PRKCE: variants seen among roughly 807,000 people sequenced by gnomAD.
PRKCE encodes protein kinase C epsilon type.
Under a neutral mutation model 85.4 loss-of-function variants are expected in PRKCE, and 16 were observed. The observed-to-expected ratio is 0.19, with a 90% CI of 0.13 to 0.28. PRKCE has a LOEUF of 0.28. Among genes scored for constraint, PRKCE ranks in the 10% least tolerant of loss-of-function variants. The probability of loss-of-function intolerance (pLI) is 1.00; values close to 1 mark genes in which losing one functional copy is unlikely to be tolerated. For synonymous variants in PRKCE, 388 were observed against 371.5 expected, an observed-to-expected ratio of 1.04 and a Z score of -0.51; for missense variants, 573 against 975.2, an observed-to-expected ratio of 0.59 and a Z score of 5.49.
At chr2:45,718,339 CTTTTTTTT>C (rs10708579) in intron 1 of PRKCE, among the ~76,000 whole-genome samples, 2 of 83,346 alleles carry the variant, frequency 2.4e-5, no homozygotes, top group South Asian at 4.2e-4. Flanking sequence ...CAAATGCTTA[CTTTTTTTT>C]TTTTTTTTTT....
In PRKCE at chr2:45,830,377, G is replaced by T. The variant is rs914218325; in HGVS notation, c.349-12623G>T. ...GAAAGGCATTATGAATAAATAGGAA[G>T]GCATTTCTGGAAACTCAAGATATTG... On this transcript the variant is annotated intron_variant, in intron 1 of 14. Transcript: ENST00000306156. Among the ~76,000 whole-genome samples, 15 of 152,118 alleles carry T rather than the reference G, an allele frequency of 9.9e-5. 1 individual carries two copies. Among genetic ancestry groups the T allele is most frequent in the African/African-American group, 3.6e-4 (15 of 41,500 alleles).
chr2:45,724,339 G>T (rs1200495701), intron 1 of PRKCE, among the ~76,000 whole-genome samples: 2 of 152,170 alleles, frequency 1.3e-5, no homozygotes, highest in Non-Finnish European at 2.9e-5. Flanking sequence ...TAAATGTTGT[G>T]TGTGTCCTTA....
At chr2:45,757,178 C>T (rs1684073183) in intron 1 of PRKCE, among the ~76,000 whole-genome samples, 4 of 151,816 alleles carry the variant, frequency 2.6e-5, no homozygotes, top group Admixed American at 2.0e-4. Context: ...ACAGGTGGTG[C>T]ATGCCTGTAA....
At chr2:45,771,606 T>C (rs1259947013) in intron 1 of PRKCE, among the ~76,000 whole-genome samples, 1 of 152,200 alleles carries the variant, frequency 6.6e-6, no homozygotes, top group African/African-American at 2.4e-5. Context: ...CTGGCCATCT[T>C]CCTCTTCCTC....
chr2:45,769,150 G>T (rs533921320), intron 1 of PRKCE, among the ~76,000 whole-genome samples: 22 of 152,228 alleles, frequency 1.4e-4, no homozygotes, highest in African/African-American at 5.3e-4. Context: ...CTGGAGTCTG[G>T]CTGGGTTTGT....
chr2:45,926,895 G>A (rs1366662838), intron 2 of PRKCE, among the ~76,000 whole-genome samples: 1 of 152,170 alleles, frequency 6.6e-6, no homozygotes, highest in Non-Finnish European at 1.5e-5. Flanking sequence ...AGTATAGAAT[G>A]TGTATATGAA....
intron 10 of PRKCE, among the ~76,000 whole-genome samples, chr2:46,044,079 G>A (rs1708373706): frequency 1.3e-5 from 2 of 152,150 alleles, no homozygotes; most frequent in South Asian, 4.1e-4. Context: ...TTCTAATCCT[G>A]GTCACCAACT....
chr2:45,791,664 T>G (rs1258477577), intron 1 of PRKCE, among the ~76,000 whole-genome samples: 1 of 152,218 alleles, frequency 6.6e-6, no homozygotes, highest in African/African-American at 2.4e-5. Context: ...CTAGAATCTT[T>G]ATGGGTAGCT....
chr2:45,838,960 C>A (rs1263064352), intron 1 of PRKCE, among the ~76,000 whole-genome samples: 1 of 151,954 alleles, frequency 6.6e-6, no homozygotes, highest in African/African-American at 2.4e-5. Flanking sequence ...TATGCCGGTG[C>A]CTTTGCTAAG....
intron 11 of PRKCE, among the ~76,000 whole-genome samples, chr2:46,123,256 G>A (rs1415246828): frequency 1.4e-5 from 1 of 71,230 alleles, no homozygotes; most frequent in Non-Finnish European, 2.6e-5. Flanking sequence ...TCTACACACA[G>A]CTTAAAGGAA....
chr2:46,014,177 C>G (rs1705928564), intron 10 of PRKCE, among the ~76,000 whole-genome samples: 1 of 152,142 alleles, frequency 6.6e-6, no homozygotes, highest in Non-Finnish European at 1.5e-5. Flanking sequence ...ACAAATTAAG[C>G]CAGTGGTTTT....
At chr2:45,809,981 C>A (rs1327879085) in intron 1 of PRKCE, among the ~76,000 whole-genome samples, 1 of 152,048 alleles carries the variant, frequency 6.6e-6, no homozygotes, top group East Asian at 1.9e-4. Flanking sequence ...CAGTTTCAAT[C>A]CTATTCTTCA....
At position 45,958,810 on chromosome 2, in the gene PRKCE, ATATATATTTTTTTTTTTTTTT is replaced by A. The variant is rs1457397342; in HGVS notation, c.413-17617_413-17597del. ...TTAAAACATATATATATATATATATATATATATTTTTTTTTTTTTTTTTTTTTTTTTTTTTTTTTTTTTTTA... is the reference window on the plus strand; with the variant it reads ...TTAAAACATATATATATATATATATATTTTTTTTTTTTTTTTTTTTTTTTA... On this transcript the variant is annotated intron_variant, in intron 2 of 14. Coordinates refer to ENST00000306156, the MANE Select transcript of PRKCE (RefSeq NM_005400.3). 6.6e-3 allele frequency among the ~76,000 whole-genome samples: 159 copies of A among 24,008 alleles called. 5 individuals carry two copies. The highest frequency in any genetic ancestry group is 8.7e-3 in the Non-Finnish European group (125 of 14,446). The allele number at this position is 24,008 out of a possible 152,430, so 15.8% of individuals were successfully genotyped here.
chr2:45,953,562 T>G (rs1398932340), intron 2 of PRKCE, among the ~76,000 whole-genome samples: 1 of 152,114 alleles, frequency 6.6e-6, no homozygotes, highest in East Asian at 1.9e-4. Context: ...CCCAAAACAC[T>G]CATTCAGTGT....
chr2:45,936,552 T>C (rs1699476158), intron 2 of PRKCE, among the ~76,000 whole-genome samples: 1 of 152,076 alleles, frequency 6.6e-6, no homozygotes, highest in Non-Finnish European at 1.5e-5. Context: ...ATCCAAAACA[T>C]TGACTAGTGT....
intron 10 of PRKCE, among the ~76,000 whole-genome samples, chr2:46,017,436 C>CT (rs1706263308): frequency 2.6e-5 from 4 of 152,198 alleles, no homozygotes; most frequent in Non-Finnish European, 5.9e-5. Flanking sequence ...TATAATATCA[C>CT]ATTTCACTTA....
chr2:46,122,261 T>C (rs1673385571), intron 11 of PRKCE, among the ~76,000 whole-genome samples: 2 of 152,164 alleles, frequency 1.3e-5, no homozygotes, highest in Admixed American at 1.3e-4. Context: ...AGACGGAGTC[T>C]TGTTCTGTCA....
chr2:45,901,484 C>T (rs1234500879), intron 2 of PRKCE, among the ~76,000 whole-genome samples: 1 of 152,112 alleles, frequency 6.6e-6, no homozygotes, highest in Non-Finnish European at 1.5e-5. Flanking sequence ...AACCGATTTA[C>T]AAAAATCAAC....
At chr2:45,831,053 G>A (rs1410984443) in intron 1 of PRKCE, among the ~76,000 whole-genome samples, 1 of 152,258 alleles carries the variant, frequency 6.6e-6, no homozygotes, top group Non-Finnish European at 1.5e-5. Context: ...AGATCAGGGA[G>A]AATAGGACAG....
Sources: allele counts gnomAD v4.1 joint callset (sites outside exome capture counted in the v4.1 genomes callset), GRCh38; gene constraint gnomAD v4.1.1; transcripts MANE v1.5; gene names NCBI Gene and HGNC (gene_info 2026-07-23, HGNC 2026-07-21).